The following GNA12 variants were observed in gnomAD, a reference collection of about 807,000 sequenced individuals.
The protein encoded by GNA12 is guanine nucleotide-binding protein subunit alpha-12.
In GNA12, 9 loss-of-function variants were observed where a neutral mutation model predicts 26.0. That is an observed-to-expected ratio of 0.35 (90% confidence interval 0.21 to 0.60). GNA12 has a LOEUF of 0.60. GNA12 is among the 20% of genes least tolerant of loss of function. The pLI is 0.78. For synonymous variants in GNA12, 264 were observed against 219.6 expected, an observed-to-expected ratio of 1.20 and a Z score of -1.79; for missense variants, 405 against 525.8, an observed-to-expected ratio of 0.77 and a Z score of 2.25.
chr7:2,750,443 T>C (rs377486404), intron 2 of GNA12, among the ~76,000 whole-genome samples: 147 of 152,366 alleles, frequency 9.6e-4, no homozygotes, highest in African/African-American at 3.2e-3. Context: ...CCTCAGTGGA[T>C]GCCTGAAGCC....
intron 2 of GNA12, among the ~76,000 whole-genome samples, chr7:2,793,881 CAA>C (rs71026557): frequency 0.47 from 44,785 of 94,484 alleles, 7,761 homozygotes; most frequent in Admixed American, 0.54. Context: ...GACTCCATCT[CAA>C]AAAAAAAAAA....
intron 2 of GNA12, among the ~76,000 whole-genome samples, chr7:2,792,637 T>C (rs553226627): frequency 6.6e-5 from 10 of 152,372 alleles, no homozygotes; most frequent in South Asian, 4.1e-4. Context: ...CAATTTCACA[T>C]TGAGATACTG....
intron 1 of GNA12, 75 bp from the exon 2 acceptor site, chr7:2,795,218 G>A: frequency 1.9e-6 from 2 of 1,069,668 alleles, no homozygotes; most frequent in Non-Finnish European, 2.8e-6. Flanking sequence ...GCTCAAAATG[G>A]GCATCCATTG....
At position 2,820,765 on chromosome 7, in the gene GNA12, TCTCA is replaced by T. The variant is rs529167761; in HGVS notation, c.309+23084_309+23087del. ...AAAACTTTTTACTTTAGAGACAGGA[TCTCA>T]CTCTGTCACCCAGGCTGGAATGCAG... On this transcript the variant is annotated intron_variant, in intron 1 of 3. Coordinates refer to ENST00000275364, the MANE Select transcript of GNA12 (RefSeq NM_007353.3). Among the ~76,000 whole-genome samples, 255 of 152,326 alleles carry T rather than the reference TCTCA, an allele frequency of 1.7e-3. 1 individual carries two copies. Among genetic ancestry groups the T allele is most frequent in the Non-Finnish European group, 3.0e-3 (201 of 68,028 alleles).
intron 1 of GNA12, among the ~76,000 whole-genome samples, chr7:2,819,710 G>T (rs562827330): frequency 1.3e-5 from 2 of 152,302 alleles, no homozygotes; most frequent in East Asian, 3.9e-4. Context: ...AAGGCAAACC[G>T]AAAACGGGAT....
chr7:2,755,482 G>A (rs1217303039), intron 2 of GNA12, among the ~76,000 whole-genome samples: 2 of 152,182 alleles, frequency 1.3e-5, no homozygotes, highest in Non-Finnish European at 2.9e-5. Context: ...TTACACCACA[G>A]TATTTCATTT....
chr7:2,790,757 C>G (rs926810079), intron 2 of GNA12, among the ~76,000 whole-genome samples: 5 of 152,194 alleles, frequency 3.3e-5, no homozygotes, highest in Middle Eastern at 3.4e-3. Context: ...TTGCTAGAGC[C>G]CAGGAGTTTG....
At chr7:2,748,682 T>C (rs1474641664) in intron 2 of GNA12, among the ~76,000 whole-genome samples, 29 of 148,724 alleles carry the variant, frequency 1.9e-4, no homozygotes, top group African/African-American at 6.2e-4. Flanking sequence ...AACTAAAGAG[T>C]TTCTGCACAG....
intron 1 of GNA12, among the ~76,000 whole-genome samples, chr7:2,824,242 C>G (rs1290491468): frequency 1.3e-5 from 2 of 152,120 alleles, no homozygotes; most frequent in Non-Finnish European, 2.9e-5. Context: ...CGTGAATGTC[C>G]AAGTCAGATC....
At chr7:2,749,028 T>C (rs1790900317) in intron 2 of GNA12, among the ~76,000 whole-genome samples, 1 of 152,102 alleles carries the variant, frequency 6.6e-6, no homozygotes, top group South Asian at 2.1e-4. Flanking sequence ...CTGGAGAGGA[T>C]GTGGAGAAAT....
intron 1 of GNA12, among the ~76,000 whole-genome samples, chr7:2,809,164 C>G (rs1438064298): frequency 6.6e-6 from 1 of 152,152 alleles, no homozygotes; most frequent in Non-Finnish European, 1.5e-5. Flanking sequence ...CTGTATGATT[C>G]TCTCCCCACC....
intron 1 of GNA12, among the ~76,000 whole-genome samples, chr7:2,834,987 G>A (rs1287908410): frequency 6.6e-6 from 1 of 152,072 alleles, no homozygotes; most frequent in Non-Finnish European, 1.5e-5. Context: ...ATTGCGATGC[G>A]TGACTATACA....
At position 2,840,921 on chromosome 7, in the gene GNA12, G is replaced by A. The variant is rs184490085; in HGVS notation, c.309+2932C>T. ...GATCTGTTCGAATAAAAATGCGGGG[G>A]TGGGGGCTGAAGAGGAGGAAACGAT... is the stretch of plus-strand genomic sequence containing the variant. On this transcript the variant is annotated intron_variant, in intron 1 of 3. Coordinates refer to ENST00000275364, the MANE Select transcript of GNA12 (RefSeq NM_007353.3). 1.1e-3 allele frequency among the ~76,000 whole-genome samples: 167 copies of A among 152,270 alleles called. 1 individual carries two copies. Among genetic ancestry groups the A allele is most frequent in the African/African-American group, 3.9e-3 (162 of 41,566 alleles).
At position 2,751,546 on chromosome 7, in the gene GNA12, G is replaced by A. The variant is rs544016445; in HGVS notation, c.526-18045C>T. Among the ~76,000 whole-genome samples the A allele has an allele frequency of 3.9e-5, 6 of 152,118 alleles. No homozygotes were observed. In the South Asian group the frequency reaches 1.2e-3, roughly 32 times the overall value. On this transcript the variant is annotated intron_variant, in intron 2 of 3. Transcript: ENST00000275364. The stretch of plus-strand genomic sequence containing the variant: ...AACAAAGATGAGATAACAATGAAAT[G>A]GAAAATGAATTTTGCAATAGAAACA...
intron 1 of GNA12, among the ~76,000 whole-genome samples, chr7:2,806,474 A>G (rs924590368): frequency 2.6e-5 from 4 of 151,200 alleles, no homozygotes; most frequent in South Asian, 4.1e-4. Context: ...AAAAAAAAAA[A>G]AAAAGAAAAA....
chr7:2,814,387 A>T (rs773661862), intron 1 of GNA12: 6 of 1,562,574 alleles, frequency 3.8e-6, no homozygotes, highest in South Asian at 3.3e-5. Flanking sequence ...TGCTTCCCGA[A>T]CCCTGCAAGT....
chr7:2,825,394 G>C (rs888499599), intron 1 of GNA12, among the ~76,000 whole-genome samples: 1 of 152,128 alleles, frequency 6.6e-6, no homozygotes, highest in African/African-American at 2.4e-5. Flanking sequence ...GAGAGAGGGC[G>C]GGAAGGGGCG....
intron 1 of GNA12, among the ~76,000 whole-genome samples, chr7:2,797,772 G>T (rs888040708): frequency 9.2e-5 from 14 of 152,118 alleles, no homozygotes; most frequent in Admixed American, 6.5e-5. Flanking sequence ...TTTCCCCTCA[G>T]GACCTTGTCT....
At chr7:2,825,859 TCCCACCA>T (rs141443286) in intron 1 of GNA12, among the ~76,000 whole-genome samples, 3,216 of 152,128 alleles carry the variant, frequency 0.021, 120 homozygotes, top group African/African-American at 0.074. Flanking sequence ...ATCCCAGCAT[TCCCACCA>T]CCCAGGGGAC....
Sources: gnomAD v4.1 joint callset for allele counts (sites outside exome capture counted in the v4.1 genomes callset) on GRCh38, gnomAD v4.1.1 for gene constraint, MANE v1.5 for transcripts, NCBI Gene and HGNC (gene_info 2026-07-23, HGNC 2026-07-21) for gene names.